The following PLS1 variants were observed in gnomAD, a reference collection of about 807,000 sequenced individuals.
PLS1 encodes plastin-1.
In PLS1, 32 loss-of-function variants were observed where a neutral mutation model predicts 73.7. The observed-to-expected ratio is 0.43, with a 90% CI of 0.33 to 0.58. The LOEUF (loss-of-function observed/expected upper bound fraction) is 0.58, where lower values mean the gene tolerates loss of function less well. Among genes scored for constraint, PLS1 ranks in the 20% least tolerant of loss-of-function variants. The probability of loss-of-function intolerance (pLI) is 0.04; values close to 1 mark genes in which losing one functional copy is unlikely to be tolerated. For synonymous variants in PLS1, 217 were observed against 261.3 expected (o/e 0.83, Z 1.63); for missense variants, 633 against 740.5 (o/e 0.85, Z 1.68).
At chr3:142,663,670 G>T (rs1039571107) in intron 1 of PLS1, among the ~76,000 whole-genome samples, 6 of 152,148 alleles carry the variant, frequency 3.9e-5, no homozygotes, top group Non-Finnish European at 7.3e-5. Context: ...TAAAAAAGAA[G>T]AGCCCCACAG....
chr3:142,618,304 C>T (rs1046847115), intron 1 of PLS1, among the ~76,000 whole-genome samples: 2 of 152,122 alleles, frequency 1.3e-5, no homozygotes, highest in Non-Finnish European at 2.9e-5. Context: ...GCTGTTCTCT[C>T]GTGGACAATC....
At chr3:142,681,774 T>A (rs2037862714) in intron 6 of PLS1, among the ~76,000 whole-genome samples, 1 of 152,192 alleles carries the variant, frequency 6.6e-6, no homozygotes, top group Non-Finnish European at 1.5e-5. Context: ...AGAAGTAGCT[T>A]AGTGTGGCCG....
At chr3:142,703,121 T>C (rs1007601522) in intron 12 of PLS1, among the ~76,000 whole-genome samples, 18 of 152,162 alleles carry the variant, frequency 1.2e-4, no homozygotes, top group African/African-American at 4.3e-4. Flanking sequence ...GTAAAGAATA[T>C]CGGAGATGAA....
intron 13 of PLS1, 108 bp from the exon 14 acceptor site, chr3:142,704,355 T>G (rs572833445): frequency 2.3e-6 from 2 of 871,546 alleles, no homozygotes; most frequent in Non-Finnish European, 3.5e-6. Context: ...TTAGAAATAT[T>G]TATTAGAACT....
intron 1 of PLS1, among the ~76,000 whole-genome samples, chr3:142,653,292 C>T (rs1251650666): frequency 6.6e-6 from 1 of 151,980 alleles, no homozygotes; most frequent in Non-Finnish European, 1.5e-5. Flanking sequence ...CATATTCTTA[C>T]CCACCCCTTT....
chr3:142,598,980 G>A (rs938123063), intron 1 of PLS1, among the ~76,000 whole-genome samples: 6 of 151,474 alleles, frequency 4.0e-5, no homozygotes, highest in African/African-American at 9.7e-5. Context: ...CAGCATGGGC[G>A]ACAGTGCAAG....
chr3:142,661,708 ATTG>A (rs2037375684), intron 1 of PLS1, among the ~76,000 whole-genome samples: 1 of 152,204 alleles, frequency 6.6e-6, no homozygotes, highest in African/African-American at 2.4e-5. Flanking sequence ...TTCAATTCCT[ATTG>A]TTTTATAAAG....
chr3:142,711,182 G>A (rs1209150382), intron 14 of PLS1, among the ~76,000 whole-genome samples: 2 of 152,054 alleles, frequency 1.3e-5, no homozygotes, highest in Non-Finnish European at 2.9e-5. Flanking sequence ...TTATAAAATT[G>A]TTAATTAAAA....
At chr3:142,706,022 G>T (rs1174830983) in intron 14 of PLS1, among the ~76,000 whole-genome samples, 1 of 152,082 alleles carries the variant, frequency 6.6e-6, no homozygotes, top group African/African-American at 2.4e-5. Flanking sequence ...TTCTCTAATT[G>T]GCAGTTATTC....
chr3:142,682,878 T>C (rs750052652), intron 6 of PLS1, among the ~76,000 whole-genome samples: 11 of 152,280 alleles, frequency 7.2e-5, no homozygotes, highest in Non-Finnish European at 1.3e-4. Context: ...TTTATGTTTA[T>C]TTGTAGTTAA....
At chr3:142,625,526 G>A (rs371173635) in intron 1 of PLS1, among the ~76,000 whole-genome samples, 21 of 152,040 alleles carry the variant, frequency 1.4e-4, no homozygotes, top group African/African-American at 3.6e-4. Flanking sequence ...ATGTTGGAGC[G>A]GTGGTCCCCA....
intron 1 of PLS1, among the ~76,000 whole-genome samples, chr3:142,627,122 TG>T (rs1287731778): frequency 6.6e-6 from 1 of 152,214 alleles, no homozygotes; most frequent in East Asian, 1.9e-4. Context: ...TCCTACACTC[TG>T]GTAGAGATCA....
chr3:142,618,959 C>T (rs1200200585), intron 1 of PLS1, among the ~76,000 whole-genome samples: 1 of 152,128 alleles, frequency 6.6e-6, no homozygotes, highest in East Asian at 1.9e-4. Context: ...CTTTGGGGGA[C>T]AGGGTATTAT....
At chr3:142,661,168 A>G (rs1397364781) in intron 1 of PLS1, among the ~76,000 whole-genome samples, 1 of 152,192 alleles carries the variant, frequency 6.6e-6, no homozygotes, top group East Asian at 1.9e-4. Flanking sequence ...TAAAAAAACT[A>G]TTTAATCTCT....
At chr3:142,682,912 A>C (rs942892029) in intron 6 of PLS1, among the ~76,000 whole-genome samples, 50 of 152,198 alleles carry the variant, frequency 3.3e-4, no homozygotes, top group African/African-American at 1.2e-3. Context: ...AAAATATTGA[A>C]GGCTTCTCTG....
intron 1 of PLS1, among the ~76,000 whole-genome samples, chr3:142,655,468 C>T (rs191869274): frequency 1.0e-3 from 154 of 152,200 alleles, no homozygotes; most frequent in Non-Finnish European, 1.5e-3. Flanking sequence ...TGCCTGTAAT[C>T]CCAGCACTTT....
intron 4 of PLS1, among the ~76,000 whole-genome samples, chr3:142,674,902 G>C (rs1220194403): frequency 6.6e-6 from 1 of 151,972 alleles, no homozygotes; most frequent in Non-Finnish European, 1.5e-5. Flanking sequence ...GCTAATTTTT[G>C]TATTTTTTAG....
intron 1 of PLS1, among the ~76,000 whole-genome samples, chr3:142,633,171 T>C (rs1023056107): frequency 2.6e-5 from 4 of 152,216 alleles, no homozygotes; most frequent in Non-Finnish European, 5.9e-5. Context: ...GTGAACCATG[T>C]AGAGTAGTCG....
intron 1 of PLS1, among the ~76,000 whole-genome samples, chr3:142,624,586 T>A (rs1020570924): frequency 6.6e-6 from 1 of 152,210 alleles, no homozygotes; most frequent in Non-Finnish European, 1.5e-5. Context: ...TTAAAGAGTC[T>A]TGAGTTTTCT....
Sources: gnomAD v4.1 joint callset for allele counts (sites outside exome capture counted in the v4.1 genomes callset) on GRCh38, gnomAD v4.1.1 for gene constraint, MANE v1.5 for transcripts, NCBI Gene and HGNC (gene_info 2026-07-23, HGNC 2026-07-21) for gene names.